XIRP2: variants seen among roughly 807,000 people sequenced by gnomAD.
The protein encoded by XIRP2 is xin actin binding repeat containing 2.
Under a neutral mutation model 277.0 loss-of-function variants are expected in XIRP2, and 236 were observed. That is an observed-to-expected ratio of 0.85 (90% CI 0.77 to 0.95). The LOEUF (loss-of-function observed/expected upper bound fraction) is 0.95, where lower values mean the gene tolerates loss of function less well. Among genes scored for constraint, XIRP2 ranks in the 40% least tolerant of loss-of-function variants. The pLI, the probability that XIRP2 is intolerant of heterozygous loss-of-function variation, is 0.00. For missense variants in XIRP2, 4,640 were observed against 4,157.5 expected (o/e 1.12, Z -3.19); for synonymous variants, 1,490 against 1,416.5 (o/e 1.05, Z -1.17).
intron 2 of XIRP2, among the ~76,000 whole-genome samples, chr2:166,996,355 G>A (rs1687219859): frequency 6.6e-6 from 1 of 152,180 alleles, no homozygotes; most frequent in African/African-American, 2.4e-5. Flanking sequence ...GTTGGGCTGG[G>A]CACAGTGGCT....
At chr2:166,897,441 A>T (rs974038708) in intron 1 of XIRP2, among the ~76,000 whole-genome samples, 1 of 152,114 alleles carries the variant, frequency 6.6e-6, no homozygotes, top group East Asian at 1.9e-4. Flanking sequence ...TACTGAAAAC[A>T]TATCACCGTG....
intron 5 of XIRP2, among the ~76,000 whole-genome samples, chr2:167,226,329 C>T (rs893239201): frequency 2.0e-5 from 3 of 152,148 alleles, no homozygotes; most frequent in African/African-American, 7.2e-5. Context: ...TTTTCTCCTA[C>T]TACTCAATCT....
chr2:167,020,586 G>GT (rs543466418), intron 2 of XIRP2, among the ~76,000 whole-genome samples: 476 of 152,034 alleles, frequency 3.1e-3, no homozygotes, highest in Non-Finnish European at 5.0e-3. Flanking sequence ...GTGTGTGTGT[G>GT]TTCTACCCAG....
chr2:166,984,014 A>G (rs1033274320), intron 2 of XIRP2, among the ~76,000 whole-genome samples: 4 of 151,974 alleles, frequency 2.6e-5, no homozygotes, highest in East Asian at 3.9e-4. Context: ...CAGCCCTTAA[A>G]ACCTCTTATT....
At chr2:167,183,641 A>C (rs1364974057) in intron 3 of XIRP2, among the ~76,000 whole-genome samples, 1 of 151,790 alleles carries the variant, frequency 6.6e-6, no homozygotes. Flanking sequence ...ATCTTTTCAT[A>C]TGTTTTGTGT....
intron 8 of XIRP2, among the ~76,000 whole-genome samples, chr2:167,242,354 C>A (rs1343658396): frequency 6.6e-6 from 1 of 152,078 alleles, no homozygotes; most frequent in Non-Finnish European, 1.5e-5. Flanking sequence ...CATTGAATAG[C>A]AAATATAACT....
intron 2 of XIRP2, among the ~76,000 whole-genome samples, chr2:166,955,394 T>C (rs1418483288): frequency 6.6e-6 from 1 of 151,716 alleles, no homozygotes; most frequent in Non-Finnish European, 1.5e-5. Flanking sequence ...AGACTGTTAG[T>C]TGTTTAGGGA....
intron 2 of XIRP2, among the ~76,000 whole-genome samples, chr2:167,061,419 C>CT (rs1463802334): frequency 5.9e-5 from 9 of 152,146 alleles, no homozygotes; most frequent in Non-Finnish European, 1.2e-4. Context: ...AAATATTTGC[C>CT]TTTTTTTCCG....
intron 2 of XIRP2, among the ~76,000 whole-genome samples, chr2:166,938,345 G>T (rs529660108): frequency 1.3e-5 from 2 of 152,060 alleles, no homozygotes; most frequent in Non-Finnish European, 2.9e-5. Context: ...CCTTCATTTC[G>T]TTATGTACCC....
At chr2:167,186,802 CTTG>C (rs1035058522) in intron 3 of XIRP2, among the ~76,000 whole-genome samples, 1 of 150,510 alleles carries the variant, frequency 6.6e-6, no homozygotes, top group African/African-American at 2.5e-5. Context: ...ACCATTCTTC[CTTG>C]TTTTTTTTTT....
intron 1 of XIRP2, among the ~76,000 whole-genome samples, chr2:166,896,149 T>C (rs1016874031): frequency 1.3e-5 from 2 of 152,176 alleles, no homozygotes; most frequent in African/African-American, 4.8e-5. Flanking sequence ...GGTGGTCCCC[T>C]AAGAATATAA....
chr2:167,003,912 T>C lies in XIRP2; in HGVS notation c.408+100022T>C, dbSNP rs540489177. 1.6e-4 allele frequency among the ~76,000 whole-genome samples: 25 copies of C among 152,022 alleles called. No individual in the cohort carries two copies. In the East Asian group the frequency reaches 2.1e-3, roughly 13 times the overall value. On this transcript the variant is annotated intron_variant, in intron 2 of 10. Coordinates refer to ENST00000409195, the MANE Select transcript of XIRP2 (RefSeq NM_152381.6). ...ATCTGGAATACTGCTATCAAATATA[T>C]TGCAAAATAATTGTAAAAAATTTAA...
intron 2 of XIRP2, among the ~76,000 whole-genome samples, chr2:167,101,155 A>G (rs1198152598): frequency 6.6e-6 from 1 of 152,210 alleles, no homozygotes; most frequent in African/African-American, 2.4e-5. Context: ...CATCATTAAA[A>G]TACTATCCAG....
At chr2:166,980,222 A>G (rs1369542584) in intron 2 of XIRP2, among the ~76,000 whole-genome samples, 1 of 152,006 alleles carries the variant, frequency 6.6e-6, no homozygotes. Flanking sequence ...GTAACTTATA[A>G]CTTTCTTTTT....
chr2:166,935,056 T>A (rs1422013995), intron 2 of XIRP2, among the ~76,000 whole-genome samples: 3 of 151,602 alleles, frequency 2.0e-5, no homozygotes, highest in African/African-American at 4.8e-5. Flanking sequence ...ACAATGTGTG[T>A]GTAGATGCTT....
chr2:167,116,236 A>G (rs1241274309), intron 2 of XIRP2, among the ~76,000 whole-genome samples: 1 of 152,202 alleles, frequency 6.6e-6, no homozygotes, highest in African/African-American at 2.4e-5. Flanking sequence ...GAGAGGTGTT[A>G]AAAATCTTGA....
At chr2:166,934,210 A>AAC (rs1553471141) in intron 2 of XIRP2, among the ~76,000 whole-genome samples, 27 of 150,890 alleles carry the variant, frequency 1.8e-4, no homozygotes, top group African/African-American at 6.1e-4. Context: ...AAAAAAAAAA[A>AAC]AAAACAAAAC....
intron 2 of XIRP2, among the ~76,000 whole-genome samples, chr2:167,064,393 A>T (rs1306255477): frequency 6.6e-6 from 1 of 151,934 alleles, no homozygotes; most frequent in African/African-American, 2.4e-5. Flanking sequence ...ACTTCTATTT[A>T]TTTAATCCTT....
At chr2:167,137,229 C>A (rs1691582789) in intron 3 of XIRP2, among the ~76,000 whole-genome samples, 1 of 152,170 alleles carries the variant, frequency 6.6e-6, no homozygotes, top group South Asian at 2.1e-4. Flanking sequence ...TAATGATGGA[C>A]TGGGCATGGA....
Sources: gnomAD v4.1 joint callset for allele counts (sites outside exome capture counted in the v4.1 genomes callset) on GRCh38, gnomAD v4.1.1 for gene constraint, MANE v1.5 for transcripts, NCBI Gene and HGNC (gene_info 2026-07-23, HGNC 2026-07-21) for gene names.